The following HS6ST3 variants were observed in gnomAD, a reference collection of about 807,000 sequenced individuals.
HS6ST3 encodes heparan-sulfate 6-O-sulfotransferase 3.
A neutral mutation model predicts 36.7 loss-of-function variants in HS6ST3; 12 were observed. The observed-to-expected ratio is 0.33, with a 90% CI of 0.21 to 0.53. The LOEUF (loss-of-function observed/expected upper bound fraction) is 0.53. Among genes scored for constraint, HS6ST3 ranks in the 20% least tolerant of loss-of-function variants. The pLI is 0.95. For synonymous variants in HS6ST3, 240 were observed against 257.5 expected (o/e 0.93, Z 0.65); for missense variants, 584 against 640.9 (o/e 0.91, Z 0.96).
At chr13:96,716,577 A>T (rs1875700594) in intron 1 of HS6ST3, among the ~76,000 whole-genome samples, 1 of 152,164 alleles carries the variant, frequency 6.6e-6, no homozygotes. Flanking sequence ...TCATCTATTT[A>T]CCTATCATTT....
chr13:96,554,030 A>G (rs1020378672), intron 1 of HS6ST3, among the ~76,000 whole-genome samples: 3 of 152,248 alleles, frequency 2.0e-5, no homozygotes, highest in Non-Finnish European at 4.4e-5. Flanking sequence ...TAATGAATGC[A>G]GAAGACTGAA....
chr13:96,322,248 A>T (rs2055007590), intron 1 of HS6ST3, among the ~76,000 whole-genome samples: 1 of 152,094 alleles, frequency 6.6e-6, no homozygotes, highest in Non-Finnish European at 1.5e-5. Context: ...TCTACATTTT[A>T]AAAACGCTAC....
At chr13:96,423,062 T>C (rs2055569265) in intron 1 of HS6ST3, among the ~76,000 whole-genome samples, 1 of 152,218 alleles carries the variant, frequency 6.6e-6, no homozygotes, top group Admixed American at 6.5e-5. Context: ...GCCTTTTTTT[T>C]CTTATTTTTC....
chr13:96,163,050 G>A (rs1594699985), intron 1 of HS6ST3, among the ~76,000 whole-genome samples: 1 of 151,990 alleles, frequency 6.6e-6, no homozygotes, highest in South Asian at 2.1e-4. Flanking sequence ...TTCTAACAAG[G>A]GGTGGAATGA....
intron 1 of HS6ST3, among the ~76,000 whole-genome samples, chr13:96,249,435 A>G (rs982292176): frequency 1.3e-5 from 2 of 152,180 alleles, no homozygotes; most frequent in Admixed American, 1.3e-4. Context: ...CTGGAAGGAA[A>G]GGAGAGAAAT....
At chr13:96,266,885 C>A (rs537854736) in intron 1 of HS6ST3, among the ~76,000 whole-genome samples, 2 of 152,102 alleles carry the variant, frequency 1.3e-5, no homozygotes, top group Admixed American at 6.6e-5. Flanking sequence ...GGTCAGTCTG[C>A]GTATCCTGAG....
Position 96,834,879 on chromosome 13 carries a change from C to T in HS6ST3, c.*1681C>T, listed in dbSNP as rs1272084127. 1 of 152,602 alleles carries T rather than the reference C, an allele frequency of 6.6e-6. No individual in the cohort carries two copies. The highest frequency in any genetic ancestry group is 1.5e-5 in the Non-Finnish European group (1 of 68,042). The allele number at this position is 152,602 out of a possible 1,614,324, so 9.5% of individuals were successfully genotyped here. A position where few individuals can be genotyped will look rare whatever the true frequency, so the allele number is the denominator to read the frequency against. On this transcript the variant is annotated 3_prime_UTR_variant, in exon 2 of 2. Transcript: ENST00000376705. ...ACCAGATAGAGATCTGGAGATGCTTCTCTCACTGTGCTTGGCTTCATCTGG... is the reference window on the plus strand; with the variant it reads ...ACCAGATAGAGATCTGGAGATGCTTTTCTCACTGTGCTTGGCTTCATCTGG...
chr13:96,778,023 A>C (rs1157261311), intron 1 of HS6ST3, among the ~76,000 whole-genome samples: 1 of 152,186 alleles, frequency 6.6e-6, no homozygotes, highest in Non-Finnish European at 1.5e-5. Context: ...AATGCCACAC[A>C]TCTACAACCA....
chr13:96,426,909 G>GT (rs1217852527), intron 1 of HS6ST3, among the ~76,000 whole-genome samples: 1 of 152,128 alleles, frequency 6.6e-6, no homozygotes, highest in Non-Finnish European at 1.5e-5. Flanking sequence ...GTTCTGTTCT[G>GT]TATAACATTA....
chr13:96,771,259 C>T (rs1387182334), intron 1 of HS6ST3, among the ~76,000 whole-genome samples: 3 of 95,878 alleles, frequency 3.1e-5, no homozygotes, highest in African/African-American at 8.5e-5. Flanking sequence ...CGTCACACAC[C>T]GGGGCCTGTT....
chr13:96,353,046 C>CTTTT (rs1026366277), intron 1 of HS6ST3, among the ~76,000 whole-genome samples: 5 of 85,434 alleles, frequency 5.9e-5, no homozygotes, highest in African/African-American at 1.3e-4. Flanking sequence ...CTAGCGTATT[C>CTTTT]TTTTTTTTTT....
intron 1 of HS6ST3, among the ~76,000 whole-genome samples, chr13:96,490,312 T>C (rs2055938238): frequency 6.6e-6 from 1 of 152,134 alleles, no homozygotes; most frequent in South Asian, 2.1e-4. Context: ...TTTATGGTAG[T>C]AGGTTCCTAA....
At chr13:96,675,438 AT>A (rs2056696051) in intron 1 of HS6ST3, among the ~76,000 whole-genome samples, 1 of 152,120 alleles carries the variant, frequency 6.6e-6, no homozygotes, top group Non-Finnish European at 1.5e-5. Context: ...AATTTTCAAT[AT>A]AAAAAGATAT....
chr13:96,546,546 T>G (rs2056198382), intron 1 of HS6ST3, among the ~76,000 whole-genome samples: 1 of 152,184 alleles, frequency 6.6e-6, no homozygotes, highest in East Asian at 1.9e-4. Context: ...CTCTTCTTTA[T>G]AAATGAGATG....
chr13:96,647,040 G>C (rs944803569), intron 1 of HS6ST3, among the ~76,000 whole-genome samples: 1 of 151,936 alleles, frequency 6.6e-6, no homozygotes, highest in African/African-American at 2.4e-5. Context: ...GAACATGTGT[G>C]TTAGATGATT....
chr13:96,377,358 A>G (rs2055319937), intron 1 of HS6ST3, among the ~76,000 whole-genome samples: 1 of 152,000 alleles, frequency 6.6e-6, no homozygotes, highest in Admixed American at 6.6e-5. Context: ...GTCTCAAACA[A>G]CAACAACAAC....
intron 1 of HS6ST3, among the ~76,000 whole-genome samples, chr13:96,253,520 A>G (rs934453979): frequency 6.6e-6 from 1 of 152,184 alleles, no homozygotes; most frequent in East Asian, 1.9e-4. Flanking sequence ...TGGATACTCA[A>G]CTAGACTTCA....
chr13:96,330,981 C>G (rs1358097254), intron 1 of HS6ST3, among the ~76,000 whole-genome samples: 5 of 152,014 alleles, frequency 3.3e-5, no homozygotes, highest in Admixed American at 3.3e-4. Flanking sequence ...GCATCGGCTC[C>G]TGAGGCTTCT....
chr13:96,384,115 T>G (rs967553005), intron 1 of HS6ST3, among the ~76,000 whole-genome samples: 32 of 152,296 alleles, frequency 2.1e-4, no homozygotes, highest in African/African-American at 7.5e-4. Context: ...CCCAAGATCT[T>G]GAAGTTATAT....
Sources: gnomAD v4.1 joint callset for allele counts (sites outside exome capture counted in the v4.1 genomes callset) on GRCh38, gnomAD v4.1.1 for gene constraint, MANE v1.5 for transcripts, NCBI Gene and HGNC (gene_info 2026-07-23, HGNC 2026-07-21) for gene names.